The following SAMD12 variants were observed in gnomAD, a reference collection of about 807,000 sequenced individuals.
The protein encoded by SAMD12 is sterile alpha motif domain containing 12.
In SAMD12, 9 loss-of-function variants were observed where a neutral mutation model predicts 15.0. That is an observed-to-expected ratio of 0.60 (90% CI 0.36 to 1.05). SAMD12 has a LOEUF of 1.05. Among genes scored for constraint, SAMD12 ranks in the 50% least tolerant of loss-of-function variants. SAMD12 has a pLI of 0.01. For missense variants in SAMD12, 230 were observed against 234.2 expected (o/e 0.98, Z 0.12); for synonymous variants, 86 against 90.1 (o/e 0.96, Z 0.25).
At chr8:118,411,341 G>T (rs7822426) in intron 3 of SAMD12, among the ~76,000 whole-genome samples, 1 of 152,052 alleles carries the variant, frequency 6.6e-6, no homozygotes, top group Admixed American at 6.5e-5. Context: ...AAGTAACAAA[G>T]GTTTTAATTA....
At chr8:118,184,637 A>T (rs1819212497), downstream of SAMD12, among the ~76,000 whole-genome samples, 1 of 152,092 alleles carries the variant, frequency 6.6e-6, no homozygotes, top group Non-Finnish European at 1.5e-5. Flanking sequence ...CTGGGATTAT[A>T]GGTACCTGCC....
chr8:118,614,999 C>A (rs1170988961), intron 1 of SAMD12, among the ~76,000 whole-genome samples: 1 of 152,144 alleles, frequency 6.6e-6, no homozygotes, highest in Non-Finnish European at 1.5e-5. Context: ...ATGCAAGATC[C>A]AACTGGACTG....
At chr8:118,342,806 C>A (rs1161237921) in intron 4 of SAMD12, among the ~76,000 whole-genome samples, 1 of 152,110 alleles carries the variant, frequency 6.6e-6, no homozygotes, top group Non-Finnish European at 1.5e-5. Context: ...ATAGGTGGGC[C>A]ATGTACTGCA....
intron 4 of SAMD12, among the ~76,000 whole-genome samples, chr8:118,346,351 T>G (rs1385527836): frequency 6.6e-6 from 1 of 152,152 alleles, no homozygotes; most frequent in African/African-American, 2.4e-5. Flanking sequence ...AACTGAATAT[T>G]CCAGAAAGGT....
chr8:118,471,673 T>G (rs561376909), intron 2 of SAMD12, among the ~76,000 whole-genome samples: 7 of 152,324 alleles, frequency 4.6e-5, no homozygotes, highest in African/African-American at 1.7e-4. Context: ...ATAACTCATC[T>G]TTAGGATGTT....
chr8:118,204,456 G>C (rs1236484710), intron 4 of SAMD12, among the ~76,000 whole-genome samples: 1 of 151,962 alleles, frequency 6.6e-6, no homozygotes, highest in East Asian at 1.9e-4. Flanking sequence ...GAAGATGAAG[G>C]TCAGAATCTC....
At chr8:118,379,883 A>T (rs1819585770) in intron 3 of SAMD12, among the ~76,000 whole-genome samples, 183 bp from the exon 4 acceptor site, 1 of 152,212 alleles carries the variant, frequency 6.6e-6, no homozygotes, top group Admixed American at 6.5e-5. Flanking sequence ...AAAAATACAC[A>T]TATTTAAAAG....
downstream of SAMD12, among the ~76,000 whole-genome samples, chr8:118,373,293 T>C (rs1819201924): frequency 6.6e-6 from 1 of 152,158 alleles, no homozygotes; most frequent in African/African-American, 2.4e-5. Context: ...TGGGTCTTGG[T>C]GCCCAAATCT....
In SAMD12 at chr8:118,383,897, C is replaced by T. The variant is rs10955875; in HGVS notation, c.323-4197G>A. Among the ~76,000 whole-genome samples, 869 of 152,150 alleles carry T rather than the reference C, an allele frequency of 5.7e-3. 11 individuals carry two copies. The highest frequency in any genetic ancestry group is 0.019 in the African/African-American group (798 of 41,520). On this transcript the variant is annotated intron_variant, in intron 3 of 3. Transcript: ENST00000314727. ...TGTCTTCTGCCTGCATGGAGCTCACCATTCAGTGTGGGAGAAAGGTGACAC... is the reference window on the plus strand; with the variant it reads ...TGTCTTCTGCCTGCATGGAGCTCACTATTCAGTGTGGGAGAAAGGTGACAC...
chr8:118,459,928 C>A (rs1055979929), intron 2 of SAMD12, among the ~76,000 whole-genome samples: 21 of 152,178 alleles, frequency 1.4e-4, no homozygotes, highest in African/African-American at 5.1e-4. Flanking sequence ...CCAGTGGTGA[C>A]AAGTGCCATG....
At chr8:118,318,668 G>A (rs192351219) in intron 4 of SAMD12, among the ~76,000 whole-genome samples, 9 of 151,992 alleles carry the variant, frequency 5.9e-5, no homozygotes, top group Admixed American at 2.0e-4. Context: ...CTCTATATAA[G>A]TCATCCATGT....
At chr8:118,333,848 G>A (rs554616698) in intron 4 of SAMD12, among the ~76,000 whole-genome samples, 1 of 151,402 alleles carries the variant, frequency 6.6e-6, no homozygotes, top group Non-Finnish European at 1.5e-5. Flanking sequence ...CGTTGGCGGG[G>A]GGCGGGGGTA....
At chr8:118,554,831 C>A (rs963785352) in intron 2 of SAMD12, among the ~76,000 whole-genome samples, 1 of 152,152 alleles carries the variant, frequency 6.6e-6, no homozygotes, top group Non-Finnish European at 1.5e-5. Context: ...AAGACTGCAA[C>A]ATAGAAATCC....
intron 4 of SAMD12, among the ~76,000 whole-genome samples, chr8:118,333,947 T>C (rs865806111): frequency 4.5e-5 from 5 of 109,962 alleles, no homozygotes; most frequent in African/African-American, 1.6e-4. Flanking sequence ...TGTGTGTGTG[T>C]GCACATTGGC....
chr8:118,276,158 T>G (rs1171146849), intron 4 of SAMD12, among the ~76,000 whole-genome samples: 1 of 152,226 alleles, frequency 6.6e-6, no homozygotes, highest in Non-Finnish European at 1.5e-5. Flanking sequence ...GTGTTCCATA[T>G]AAGGCCAACC....
intron 2 of SAMD12, among the ~76,000 whole-genome samples, chr8:118,505,873 C>T (rs1824907221): frequency 6.6e-6 from 1 of 152,154 alleles, no homozygotes; most frequent in East Asian, 1.9e-4. Context: ...CATTACTATG[C>T]CTCCCATTTT....
intron 2 of SAMD12, among the ~76,000 whole-genome samples, chr8:118,551,972 A>C (rs1826352015): frequency 6.6e-6 from 1 of 151,344 alleles, no homozygotes; most frequent in Admixed American, 6.6e-5. Flanking sequence ...CCAAGACTAA[A>C]CCAGGAAGAA....
At chr8:118,444,730 T>C (rs1364462191) in intron 2 of SAMD12, among the ~76,000 whole-genome samples, 4 of 152,196 alleles carry the variant, frequency 2.6e-5, no homozygotes, top group Admixed American at 2.0e-4. Flanking sequence ...AAGGTTGAAA[T>C]TGAAAGAACA....
chr8:118,553,754 A>G (rs1586814145), intron 2 of SAMD12, among the ~76,000 whole-genome samples: 1 of 151,512 alleles, frequency 6.6e-6, no homozygotes, highest in African/African-American at 2.4e-5. Context: ...CAACCCACAA[A>G]ATGGGAGAAA....
Sources: allele counts gnomAD v4.1 joint callset (sites outside exome capture counted in the v4.1 genomes callset), GRCh38; gene constraint gnomAD v4.1.1; transcripts MANE v1.5; gene names NCBI Gene and HGNC (gene_info 2026-07-23, HGNC 2026-07-21).